The following MAVS variants were observed in gnomAD, a reference collection of about 807,000 sequenced individuals.
MAVS encodes the protein mitochondrial antiviral signaling protein, also known as mitochondrial antiviral-signaling protein.
In MAVS, 20 loss-of-function variants were observed where a neutral mutation model predicts 30.2. The ratio of observed to expected loss-of-function variants is 0.66; its 90% CI spans 0.47 to 0.96. The LOEUF is 0.96. Ranked by LOEUF, MAVS falls within the 40% of genes least tolerant of loss-of-function variation. The probability of loss-of-function intolerance (pLI) is 0.00; values close to 1 mark genes in which losing one functional copy is unlikely to be tolerated. For synonymous variants in MAVS, 278 were observed against 293.9 expected, an observed-to-expected ratio of 0.95 and a Z score of 0.55; for missense variants, 624 against 701.1, an observed-to-expected ratio of 0.89 and a Z score of 1.24.
At chr20:3,863,948 G>A (rs1367570871) in intron 5 of MAVS, among the ~76,000 whole-genome samples, 1 of 152,146 alleles carries the variant, frequency 6.6e-6, no homozygotes, top group Non-Finnish European at 1.5e-5. Flanking sequence ...CACAGGAGAG[G>A]GGAGGTTTCC....
intron 1 of MAVS, among the ~76,000 whole-genome samples, chr20:3,850,274 CAAAAAAAAAAAA>C (rs71195864): frequency 6.7e-5 from 3 of 44,460 alleles, no homozygotes; most frequent in Non-Finnish European, 1.2e-4. Flanking sequence ...GAGACTGTCT[CAAAAAAAAAAAA>C]AAAAAAAAAA....
rs899560091 is a variant in MAVS, at chr20:3,874,888, C to T, written c.*8741C>T. 1 of 152,456 alleles carries T rather than the reference C, an allele frequency of 6.6e-6. No homozygotes were observed. The highest frequency in any genetic ancestry group is 2.4e-5 in the African/African-American group (1 of 41,446). 9.4% of individuals were successfully genotyped at this position (152,456 alleles called of 1,614,324 possible). A position where few individuals can be genotyped will look rare whatever the true frequency, so the allele number is the denominator to read the frequency against. On this transcript the variant is annotated 3_prime_UTR_variant, in exon 7 of 7. Coordinates refer to ENST00000428216, the MANE Select transcript of MAVS (RefSeq NM_020746.5). ...AATGGGGGACACACAGTACTTCCTC[C>T]AGCTGCCTACACCCCCCTAGGGTCA... is the stretch of plus-strand genomic sequence containing the variant.
chr20:3,867,290 C>G lies in MAVS; in HGVS notation c.*1143C>G. The G allele has an allele frequency of 2.9e-6, 1 of 343,886 alleles. No individual in the cohort carries two copies. The highest frequency in any genetic ancestry group is 5.7e-6 in the Non-Finnish European group (1 of 175,186). 21.3% of individuals were successfully genotyped at this position (343,886 alleles called of 1,614,324 possible). A position where few individuals can be genotyped will look rare whatever the true frequency, so the allele number is the denominator to read the frequency against. ...GGAGGATAAGTATATATATATATTT[C>G]CCAGTGTTGTGAAGATTAAAGGAGT... On this transcript the variant is annotated 3_prime_UTR_variant, in exon 7 of 7. Transcript: ENST00000428216.
intron 1 of MAVS, among the ~76,000 whole-genome samples, chr20:3,852,108 C>T (rs1370298887): frequency 1.3e-5 from 2 of 150,740 alleles, no homozygotes; most frequent in East Asian, 2.0e-4. Context: ...CATTCTCCTG[C>T]CTCAGCCTCC....
At chr20:3,856,165 C>T (rs1157270649) in intron 2 of MAVS, among the ~76,000 whole-genome samples, 1 of 151,688 alleles carries the variant, frequency 6.6e-6, no homozygotes, top group Non-Finnish European at 1.5e-5. Context: ...CGCCATTCTC[C>T]TGCCTCAGCC....
chr20:3,858,402 G>A (rs565189573), intron 3 of MAVS, among the ~76,000 whole-genome samples: 8 of 152,248 alleles, frequency 5.3e-5, no homozygotes, highest in African/African-American at 1.7e-4. Flanking sequence ...GGAGGAGGCT[G>A]GGCGCGGTGT....
At position 3,865,772 on chromosome 20, in the gene MAVS, G is replaced by A. The variant is rs766365144; in HGVS notation, c.1248G>A (p.Ser416=). Residue 416 remains serine (S), a synonymous_variant, in exon 7 of 7, where the codon TCG becomes TCA. Transcript: ENST00000428216. This position sits in a 1 kb window ranked among gnomAD's most constrained non-coding sequence, Gnocchi z 4.7. ...DSSSENRGLG[S]ELSKPGVLAS... Reference sequence around the variant, plus strand: ...GCTCTGAGAATAGGGGCCTTGGGTCGGAGCTGAGTAAGCCTGGCGTGCTGG... The same window carrying A: ...GCTCTGAGAATAGGGGCCTTGGGTCAGAGCTGAGTAAGCCTGGCGTGCTGG... 157 of 1,613,596 alleles carry A rather than the reference G, an allele frequency of 9.7e-5. No homozygotes were observed. Among genetic ancestry groups the A allele is most frequent in the Admixed American group, 2.7e-4 (16 of 60,006 alleles).
At chr20:3,859,571 G>A (rs1276850810) in intron 3 of MAVS, among the ~76,000 whole-genome samples, 7 of 151,838 alleles carry the variant, frequency 4.6e-5, no homozygotes, top group Non-Finnish European at 1.0e-4. Context: ...GGCCTGATGA[G>A]GGGTGGGGGC....
Position 3,861,651 on chromosome 20 carries a change from T to C in MAVS, c.465+147T>C, listed in dbSNP as rs576781385. On this transcript the variant is annotated intron_variant, in intron 4 of 6. Coordinates refer to ENST00000428216, the MANE Select transcript of MAVS (RefSeq NM_020746.5). ...AACCCTAGGGCTTCCTCAGTGGGGA[T>C]CTGCCCCAGACCAGCTTCCAGGCTG... 10 of 900,052 alleles carry C rather than the reference T, an allele frequency of 1.1e-5. No individual in the cohort carries two copies. The East Asian group carries it at 2.1e-4, about 19-fold the overall frequency. The allele number at this position is 900,052 out of a possible 1,614,324, so 55.8% of individuals were successfully genotyped here.
rs761498453 is a variant in MAVS at position 3,865,693 on chromosome 20, C to T, written c.1169C>T (p.Ala390Val). 1.2e-6 allele frequency: 2 copies of T among 1,603,380 alleles called. No individual in the cohort carries two copies. The highest frequency in any genetic ancestry group is 2.7e-5 in the African/African-American group (2 of 74,684). Residue 390 changes from alanine (A) to valine (V), a missense_variant, in exon 7 of 7, where the codon GCA (alanine) becomes GTA (valine). Coordinates refer to ENST00000428216, the MANE Select transcript of MAVS (RefSeq NM_020746.5). This position sits in a 1 kb window ranked among gnomAD's most constrained non-coding sequence, Gnocchi z 4.7. ...DGSSRNEETP[A>V]APTPAGATGG... ...TCCTTTCTTTCCCAGGAGACCCCAG[C>T]AGCTCCAACACCCGCCGGCGCCACT...
intron 3 of MAVS, among the ~76,000 whole-genome samples, chr20:3,858,341 C>T (rs544752892): frequency 1.3e-3 from 203 of 152,164 alleles, no homozygotes; most frequent in Admixed American, 2.7e-3. Context: ...TCTGAGTGCT[C>T]GGAGGCGATT....
rs1387515154 is a variant in MAVS, at chr20:3,871,096, G to A, written c.*4949G>A. The A allele has an allele frequency of 1.3e-5, 2 of 153,696 alleles. No individual in the cohort carries two copies. Among genetic ancestry groups the A allele is most frequent in the Admixed American group, 6.6e-5 (1 of 15,258 alleles). 9.5% of individuals were successfully genotyped at this position (153,696 alleles called of 1,614,324 possible). ...GGGTTTCACCATGTTGGCCAGGCTG[G>A]TCTCGAACTCCTGACCTCAAGTGAT... On this transcript the variant is annotated 3_prime_UTR_variant, in exon 7 of 7. Transcript: ENST00000428216.
chr20:3,861,271 G>T, intron 3 of MAVS, 61 bp from the exon 4 acceptor site: 1 of 1,513,380 alleles, frequency 6.6e-7, no homozygotes, highest in South Asian at 1.2e-5. Context: ...GAGATTACAG[G>T]CATGAGCCAC....
Position 3,866,049 on chromosome 20 carries a change from C to T in MAVS, c.1525C>T (p.His509Tyr), listed in dbSNP as rs2089905392. 2 of 1,612,548 alleles carry T rather than the reference C, an allele frequency of 1.2e-6. No individual in the cohort carries two copies. Among genetic ancestry groups the T allele is most frequent in the African/African-American group, 1.3e-5 (1 of 75,052 alleles). The change falls in exon 7 of 7, where the codon CAC (histidine) becomes TAC (tyrosine). Residue 509 changes from histidine (H) to tyrosine (Y), a missense_variant. Coordinates refer to ENST00000428216, the MANE Select transcript of MAVS (RefSeq NM_020746.5). ...RKFQEREVPCHRPSPGALWLQ... is the reference protein window; with the variant it reads ...RKFQEREVPCYRPSPGALWLQ... ...GTTCCAGGAGAGGGAGGTGCCATGC[C>T]ACAGGCCCTCACCTGGGGCTCTGTG...
Position 3,864,378 on chromosome 20 carries a change from A to G in MAVS, c.748A>G (p.Thr250Ala), listed in dbSNP as rs757725370. ...TGGACCCACAGGGTCAGTTGTATCT[A>G]CTGGCACCTCCTTCTCCTCCTCATC... is the stretch of plus-strand genomic sequence containing the variant. ...LPGPTGSVVS[T>A]GTSFSSSSPG... is the part of the protein sequence containing the mutation. Residue 250 changes from threonine (T) to alanine (A), a missense_variant, in exon 6 of 7, where the codon ACT becomes GCT. Physicochemically the swap from Thr to Ala is moderately conservative, Grantham distance 58 (BLOSUM62 0). Transcript: ENST00000428216. 5.6e-6 allele frequency: 9 copies of G among 1,614,060 alleles called. No individual in the cohort carries two copies. The highest frequency in any genetic ancestry group is 5.1e-6 in the Non-Finnish European group (6 of 1,180,008).
rs905296421 is a variant in MAVS, at chr20:3,869,908, C to G, written c.*3761C>G. 2 of 152,198 alleles carry G rather than the reference C, an allele frequency of 1.3e-5. No individual in the cohort carries two copies. Among genetic ancestry groups the G allele is most frequent in the African/African-American group, 2.4e-5 (1 of 41,432 alleles). The allele number at this position is 152,198 out of a possible 1,614,324, so 9.4% of individuals were successfully genotyped here. ...AGTGAGCCACTGCGCCTGGCTGATC[C>G]CAGCACTTTTCAAATGATGCCGCTC... On this transcript the variant is annotated 3_prime_UTR_variant, in exon 7 of 7. Transcript: ENST00000428216.
chr20:3,857,610 A>G (rs2089822490), intron 2 of MAVS, 25 bp from the exon 3 acceptor site: 1 of 1,590,906 alleles, frequency 6.3e-7, no homozygotes, highest in Admixed American at 1.7e-5. Context: ...TGGCTTGAGC[A>G]GGACAGTGGC....
rs1178385379 is a variant in MAVS, at chr20:3,872,557, G to A, written c.*6410G>A. ...ATTAATGTAGTCTCAGGGATGTTAT[G>A]ACAATATGATTACAACTATCACGTG... On this transcript the variant is annotated 3_prime_UTR_variant, in exon 7 of 7. Coordinates refer to ENST00000428216, the MANE Select transcript of MAVS (RefSeq NM_020746.5). 1 of 152,304 alleles carries A rather than the reference G, an allele frequency of 6.6e-6. No individual in the cohort carries two copies. The highest frequency in any genetic ancestry group is 1.9e-4 in the East Asian group (1 of 5,324). 9.4% of individuals were successfully genotyped at this position (152,304 alleles called of 1,614,324 possible).
intron 1 of MAVS, among the ~76,000 whole-genome samples, 161 bp from the exon 2 acceptor site, chr20:3,854,397 C>T (rs1366425359): frequency 8.2e-6 from 1 of 122,548 alleles, no homozygotes; most frequent in East Asian, 3.0e-4. Flanking sequence ...TGCACTCCAG[C>T]CTGGGTGACA....
Sources: gnomAD v4.1 joint callset for allele counts (sites outside exome capture counted in the v4.1 genomes callset) on GRCh38, gnomAD v4.1.1 for gene constraint, Gnocchi (gnomAD v3.1) non-coding constraint, MANE v1.5 for transcripts, NCBI Gene and HGNC (gene_info 2026-07-23, HGNC 2026-07-21) for gene names.